Variants in ZNF516 observed in about 807,000 individuals in gnomAD.
The protein encoded by ZNF516 is zinc finger protein 516.
ZNF516 carries 19 observed loss-of-function variants against 79.7 expected under a neutral mutation model. That is an observed-to-expected ratio of 0.24 (90% confidence interval 0.17 to 0.35). The LOEUF (loss-of-function observed/expected upper bound fraction) is 0.35, where lower values mean the gene tolerates loss of function less well. Ranked by LOEUF, ZNF516 falls within the 10% of genes least tolerant of loss-of-function variation. The pLI is 1.00. For synonymous variants in ZNF516, 877 were observed against 739.5 expected (o/e 1.19, Z -3.02); for missense variants, 1,678 against 1,679.5 (o/e 1.00, Z 0.02).
chr18:76,371,587 G>T lies in ZNF516; in HGVS notation c.3260-16C>A. The T allele has an allele frequency of 6.2e-7, 1 of 1,604,626 alleles. No homozygotes were observed. The highest frequency in any genetic ancestry group is 8.5e-7 in the Non-Finnish European group (1 of 1,177,656). On this transcript the variant is annotated splice_polypyrimidine_tract_variant and intron_variant, in intron 4 of 6. Transcript: ENST00000443185. ...CGGAGTGTCCCTGCGGTGGCGAGGT[G>T]GTGGTGGTGGCAGGGCCGTGGTGGG... is the stretch of plus-strand genomic sequence containing the variant.
At position 76,379,407 on chromosome 18, in the gene ZNF516, C is replaced by T. The variant is rs2074849440; in HGVS notation, c.2707G>A (p.Gly903Arg). Residue 903 changes from glycine to arginine, a missense_variant, in exon 4 of 7, where the codon GGG becomes AGG. Transcript: ENST00000443185. ...GQEPHGAATQGPLAKPRQEAS... is the reference protein window; with the variant it reads ...GQEPHGAATQRPLAKPRQEAS... The stretch of plus-strand genomic sequence containing the variant: ...TCCTGCCTGGGCTTGGCCAGGGGCC[C>T]CTGTGTGGCCGCGCCATGTGGCTCC... The T allele has an allele frequency of 1.2e-6, 2 of 1,607,196 alleles. No homozygotes were observed. The highest frequency in any genetic ancestry group is 1.7e-6 in the Non-Finnish European group (2 of 1,176,644).
rs145679343 is a variant in ZNF516, at chr18:76,420,659, T to G, written c.1810+20586A>C. On this transcript the variant is annotated intron_variant, in intron 3 of 6. Coordinates refer to ENST00000443185, the MANE Select transcript of ZNF516 (RefSeq NM_014643.4). The stretch of plus-strand genomic sequence containing the variant: ...AAGCAATTCCTGTGGCTGTAAAAGT[T>G]TATGCTTCCCAAGCCTCTATTTCAC... Among the ~76,000 whole-genome samples the G allele has an allele frequency of 1.6e-3, 249 of 152,278 alleles. 1 individual carries two copies. The highest frequency in any genetic ancestry group is 5.8e-3 in the African/African-American group (240 of 41,544).
rs560867086 is a variant in ZNF516, at chr18:76,418,262, G to T, written c.1810+22983C>A. Among the ~76,000 whole-genome samples the T allele has an allele frequency of 2.6e-5, 4 of 151,556 alleles. No individual in the cohort carries two copies. In the East Asian group the frequency reaches 7.7e-4, roughly 29 times the overall value. On this transcript the variant is annotated intron_variant, in intron 3 of 6. Coordinates refer to ENST00000443185, the MANE Select transcript of ZNF516 (RefSeq NM_014643.4). ...ACACTATAACACACTAACATACACC[G>T]TAACACACTAACATACACTGTAACG...
intron 3 of ZNF516, among the ~76,000 whole-genome samples, chr18:76,418,382 C>T (rs907615476): frequency 2.6e-5 from 4 of 152,148 alleles, no homozygotes; most frequent in Non-Finnish European, 2.9e-5. Flanking sequence ...CTAACACACA[C>T]TGTAACACTA....
intron 3 of ZNF516, among the ~76,000 whole-genome samples, chr18:76,422,126 T>C (rs1039565195): frequency 6.6e-6 from 1 of 152,250 alleles, no homozygotes; most frequent in Non-Finnish European, 1.5e-5. Context: ...AATTGGAATT[T>C]GGTAGAGTTG....
chr18:76,411,832 A>T (rs2075375169), intron 3 of ZNF516, among the ~76,000 whole-genome samples: 1 of 152,200 alleles, frequency 6.6e-6, no homozygotes, highest in South Asian at 2.1e-4. Context: ...AGTGCCTGAA[A>T]ACGTGTACCA....
intron 1 of ZNF516, among the ~76,000 whole-genome samples, chr18:76,485,102 T>C (rs1229388680): frequency 6.6e-6 from 1 of 152,204 alleles, no homozygotes. Context: ...TGCCTCTCAT[T>C]TTAAAAAGTA....
rs78042190 is a variant in ZNF516 at position 76,362,044 on chromosome 18, C to T, written c.*454G>A. 8,011 of 155,514 alleles carry T rather than the reference C, an allele frequency of 0.052. 306 individuals carry two copies. The highest frequency in any genetic ancestry group is 0.16 in the Middle Eastern group (48 of 294). 9.6% of individuals were successfully genotyped at this position (155,514 alleles called of 1,614,324 possible). On this transcript the variant is annotated 3_prime_UTR_variant, in exon 7 of 7. Coordinates refer to ENST00000443185, the MANE Select transcript of ZNF516 (RefSeq NM_014643.4). The stretch of plus-strand genomic sequence containing the variant: ...AATCCACCACGTCTTGTTCTGACAT[C>T]ATCCCCACAGTCCCTCTTAACATGG...
chr18:76,426,554 T>C (rs2075595345), intron 3 of ZNF516, among the ~76,000 whole-genome samples: 2 of 152,280 alleles, frequency 1.3e-5, no homozygotes, highest in Non-Finnish European at 2.9e-5. Context: ...GTATTTATTG[T>C]TTATCTAAAA....
chr18:76,362,635 T>G, intron 6 of ZNF516, 78 bp from the exon 7 acceptor site: 1 of 1,414,304 alleles, frequency 7.1e-7, no homozygotes, highest in Non-Finnish European at 9.8e-7. Flanking sequence ...TCCTATTAAT[T>G]TTCTAATCAA....
At chr18:76,390,443 G>A (rs910791455) in intron 3 of ZNF516, among the ~76,000 whole-genome samples, 12 of 152,210 alleles carry the variant, frequency 7.9e-5, no homozygotes, top group Non-Finnish European at 1.8e-4. Context: ...GCGGGGTGGA[G>A]CAGGTCACCC....
chr18:76,458,670 G>A (rs1006701105), intron 2 of ZNF516, among the ~76,000 whole-genome samples: 2 of 131,380 alleles, frequency 1.5e-5, no homozygotes, highest in African/African-American at 2.6e-5. Context: ...GTGCCTCACC[G>A]TCGTGTGTGC....
Position 76,442,218 on chromosome 18 carries a change from G to A in ZNF516, c.837C>T (p.His279=). Residue 279 remains histidine (H), a synonymous_variant, in exon 3 of 7, where the codon CAC becomes CAT. Transcript: ENST00000443185. ...GCTCCTTGAACCTACGGCCGCAGAT[G>A]TGGCAGCCGTGGTCGAAGGAGCCCC... The part of the protein sequence containing the change: ...KHRGSFDHGC[H]ICGRRFKEPW... 2 of 1,613,768 alleles carry A rather than the reference G, an allele frequency of 1.2e-6. No homozygotes were observed. Among genetic ancestry groups the A allele is most frequent in the Non-Finnish European group, 1.7e-6 (2 of 1,179,860 alleles).
chr18:76,469,731 T>C (rs185768368), intron 1 of ZNF516, among the ~76,000 whole-genome samples: 2 of 152,346 alleles, frequency 1.3e-5, no homozygotes, highest in East Asian at 3.8e-4. Context: ...TAAACCACTG[T>C]ACTCAGAAAA....
At chr18:76,416,265 C>A (rs904536043) in intron 3 of ZNF516, among the ~76,000 whole-genome samples, 1 of 152,230 alleles carries the variant, frequency 6.6e-6, no homozygotes, top group Non-Finnish European at 1.5e-5. Flanking sequence ...GGCAGGACTG[C>A]CCCTTTTCGT....
In ZNF516 at chr18:76,360,646, A is replaced by AAAATATATATAT. The variant is rs373540251; in HGVS notation, c.*1851_*1852insATATATATATTT. Reference sequence around the variant, plus strand: ...AAAAAAATAAGTAAAAAAAAAAAAAAATATATATATATATATATATATATA... The same window carrying AAAATATATATAT: ...AAAAAAATAAGTAAAAAAAAAAAAAAAAATATATATATATATATATATATATATATATATATA... On this transcript the variant is annotated 3_prime_UTR_variant, in exon 7 of 7. Coordinates refer to ENST00000443185, the MANE Select transcript of ZNF516 (RefSeq NM_014643.4). 46 of 72,448 alleles carry AAAATATATATAT rather than the reference A, an allele frequency of 6.3e-4. No individual in the cohort carries two copies. The highest frequency in any genetic ancestry group is 1.1e-3 in the Non-Finnish European group (42 of 36,914). The allele number at this position is 72,448 out of a possible 1,614,324, so 4.5% of individuals were successfully genotyped here.
chr18:76,477,462 C>G (rs535424857), intron 1 of ZNF516, among the ~76,000 whole-genome samples: 4 of 152,116 alleles, frequency 2.6e-5, no homozygotes, highest in Admixed American at 1.3e-4. Flanking sequence ...CTGCCTTAGC[C>G]TTGAAAATGT....
chr18:76,477,144 G>C (rs574747514), intron 1 of ZNF516, among the ~76,000 whole-genome samples: 2 of 152,240 alleles, frequency 1.3e-5, no homozygotes, highest in East Asian at 3.9e-4. Flanking sequence ...GAGTCATATC[G>C]TTTGGACTTT....
chr18:76,444,164 C>A (rs966930724), intron 2 of ZNF516, among the ~76,000 whole-genome samples: 1 of 152,200 alleles, frequency 6.6e-6, no homozygotes, highest in East Asian at 1.9e-4. Context: ...TAAGGTAAAG[C>A]AGCAGAACGA....
Sources: allele counts gnomAD v4.1 joint callset (sites outside exome capture counted in the v4.1 genomes callset), GRCh38; gene constraint gnomAD v4.1.1; transcripts MANE v1.5; gene names NCBI Gene and HGNC (gene_info 2026-07-23, HGNC 2026-07-21).